MLLT10: variants seen among roughly 807,000 people sequenced by gnomAD.
The protein encoded by MLLT10 is protein AF-10.
In MLLT10, 30 loss-of-function variants were observed where a neutral mutation model predicts 129.1. The observed-to-expected ratio is 0.23, with a 90% CI of 0.17 to 0.32. The LOEUF (loss-of-function observed/expected upper bound fraction) is 0.32, where lower values mean the gene tolerates loss of function less well. Ranked by LOEUF, MLLT10 falls within the 10% of genes least tolerant of loss-of-function variation. The pLI is 1.00. For synonymous variants in MLLT10, 490 were observed against 446.4 expected (o/e 1.10, Z -1.23); for missense variants, 1,119 against 1,268.3 (o/e 0.88, Z 1.79).
intron 8 of MLLT10, among the ~76,000 whole-genome samples, chr10:21,631,040 GT>G (rs1055528264): frequency 5.3e-5 from 8 of 152,240 alleles, no homozygotes; most frequent in African/African-American, 1.9e-4. Flanking sequence ...GTCGGGCGCG[GT>G]GGCTCAAGCC....
At position 21,582,367 on chromosome 10, in the gene MLLT10, G is replaced by A. The variant is rs144422155; in HGVS notation, c.241-3927G>A. On this transcript the variant is annotated intron_variant, in intron 3 of 22. Transcript: ENST00000307729. Reference sequence around the variant, plus strand: ...ACTCCTGACCTCAGGTGATCTGCCCGCCTCAGCCTCCCAAAATCCTGGGAT... The same window carrying A: ...ACTCCTGACCTCAGGTGATCTGCCCACCTCAGCCTCCCAAAATCCTGGGAT... 4.0e-3 allele frequency among the ~76,000 whole-genome samples: 602 copies of A among 152,116 alleles called. 3 individuals are homozygous for A. The highest frequency in any genetic ancestry group is 0.014 in the African/African-American group (570 of 41,484).
At chr10:21,541,789 C>T (rs961897159) in intron 3 of MLLT10, among the ~76,000 whole-genome samples, 6 of 152,176 alleles carry the variant, frequency 3.9e-5, no homozygotes, top group African/African-American at 1.4e-4. Flanking sequence ...GGTGGGATTA[C>T]AGGTGTGAGC....
chr10:21,554,261 CTTT>C (rs2130964771), intron 3 of MLLT10, among the ~76,000 whole-genome samples: 1 of 152,172 alleles, frequency 6.6e-6, no homozygotes, highest in East Asian at 1.9e-4. Context: ...TGTTTCAGTT[CTTT>C]AACTCTTTTT....
intron 3 of MLLT10, among the ~76,000 whole-genome samples, chr10:21,539,476 A>C (rs1169338520): frequency 7.0e-6 from 1 of 141,868 alleles, no homozygotes; most frequent in Non-Finnish European, 1.5e-5. Flanking sequence ...TAAACCTCTT[A>C]TAAGAATGAA....
chr10:21,580,635 C>T (rs2041314757), intron 3 of MLLT10, among the ~76,000 whole-genome samples: 1 of 152,112 alleles, frequency 6.6e-6, no homozygotes, highest in South Asian at 2.1e-4. Flanking sequence ...CGTGATCTGC[C>T]TGCCTCGGCC....
intron 5 of MLLT10, among the ~76,000 whole-genome samples, chr10:21,605,538 G>A (rs180778728): frequency 4.6e-5 from 7 of 152,058 alleles, no homozygotes; most frequent in South Asian, 4.2e-4. Context: ...TCAACCTCCC[G>A]GGTTCAAGTG....
At chr10:21,700,467 T>G (rs1176951217) in intron 13 of MLLT10, among the ~76,000 whole-genome samples, 3 of 152,166 alleles carry the variant, frequency 2.0e-5, no homozygotes, top group African/African-American at 7.2e-5. Flanking sequence ...AAATTTTAGC[T>G]TTTTCCTGTT....
At chr10:21,671,294 G>A (rs1011324416) in intron 10 of MLLT10, among the ~76,000 whole-genome samples, 8 of 152,176 alleles carry the variant, frequency 5.3e-5, no homozygotes, top group African/African-American at 1.9e-4. Flanking sequence ...TAGGATTACA[G>A]GTGTGAGATA....
chr10:21,626,035 A>G (rs2046395762), intron 8 of MLLT10: 17 of 1,276,816 alleles, frequency 1.3e-5, no homozygotes, highest in Non-Finnish European at 1.8e-5. Context: ...CATTCAGAGT[A>G]TAATCATTTC....
chr10:21,738,214 C>T (rs2058539058), intron 21 of MLLT10, among the ~76,000 whole-genome samples: 1 of 151,934 alleles, frequency 6.6e-6, no homozygotes, highest in Non-Finnish European at 1.5e-5. Flanking sequence ...TTGCAGTGAG[C>T]CGAGAGCACA....
At chr10:21,612,326 C>G (rs2044741026) in intron 5 of MLLT10, 22 bp from the exon 6 acceptor site, 1 of 1,241,436 alleles carries the variant, frequency 8.1e-7, no homozygotes, top group African/African-American at 1.6e-5. Flanking sequence ...TGATTTTTGT[C>G]TTTTTTTTTT....
chr10:21,601,061 A>G (rs2043481602), intron 5 of MLLT10, among the ~76,000 whole-genome samples: 1 of 151,834 alleles, frequency 6.6e-6, no homozygotes. Flanking sequence ...CTCCCATCTC[A>G]GTCTCCTGAG....
chr10:21,638,261 G>GA (rs1285340364), intron 8 of MLLT10, among the ~76,000 whole-genome samples: 1 of 112,912 alleles, frequency 8.9e-6, no homozygotes, highest in African/African-American at 3.4e-5. Context: ...TTTTGGTGGG[G>GA]GGAGGGGGGC....
At chr10:21,695,242 T>G (rs1273410341) in intron 13 of MLLT10, among the ~76,000 whole-genome samples, 1 of 152,060 alleles carries the variant, frequency 6.6e-6, no homozygotes, top group African/African-American at 2.4e-5. Context: ...TTTCGCCCTG[T>G]TGGCCAGGCT....
At chr10:21,572,370 CT>C (rs1179311421) in intron 3 of MLLT10, among the ~76,000 whole-genome samples, 1 of 152,118 alleles carries the variant, frequency 6.6e-6, no homozygotes, top group African/African-American at 2.4e-5. Context: ...ATTCTCCGTC[CT>C]TCACATTTCC....
At chr10:21,626,526 A>T (rs1280062765) in intron 8 of MLLT10, among the ~76,000 whole-genome samples, 1 of 152,140 alleles carries the variant, frequency 6.6e-6, no homozygotes, top group South Asian at 2.1e-4. Context: ...TAATACATTC[A>T]TGAGGGTAGT....
At chr10:21,699,684 T>TA (rs566165311) in intron 13 of MLLT10, among the ~76,000 whole-genome samples, 3,273 of 141,392 alleles carry the variant, frequency 0.023, 69 homozygotes, top group African/African-American at 0.067. Context: ...CAGTTGGCTG[T>TA]AAAAAAAAAA....
chr10:21,550,927 A>ATT (rs200972062), intron 3 of MLLT10, among the ~76,000 whole-genome samples: 20 of 100,886 alleles, frequency 2.0e-4, no homozygotes, highest in African/African-American at 3.8e-4. Flanking sequence ...TTTATCTTTA[A>ATT]TTTTTTTTTT....
intron 3 of MLLT10, among the ~76,000 whole-genome samples, chr10:21,565,456 C>T (rs969249755): frequency 1.3e-5 from 2 of 151,900 alleles, no homozygotes; most frequent in South Asian, 2.1e-4. Flanking sequence ...TACAGGCGCC[C>T]GCCACCATGC....
Sources: gnomAD v4.1 joint callset for allele counts (sites outside exome capture counted in the v4.1 genomes callset) on GRCh38, gnomAD v4.1.1 for gene constraint, MANE v1.5 for transcripts, NCBI Gene and HGNC (gene_info 2026-07-23, HGNC 2026-07-21) for gene names.